The following CYTH1 variants were observed in gnomAD, a reference collection of about 807,000 sequenced individuals.
CYTH1 encodes the protein cytohesin-1.
A neutral mutation model predicts 61.8 loss-of-function variants in CYTH1; 18 were observed. The ratio of observed to expected loss-of-function variants is 0.29; its 90% confidence interval spans 0.20 to 0.43. The LOEUF (loss-of-function observed/expected upper bound fraction) is 0.43. CYTH1 is among the 20% of genes least tolerant of loss of function. The probability of loss-of-function intolerance (pLI) is 1.00; values close to 1 mark genes in which losing one functional copy is unlikely to be tolerated. For synonymous variants in CYTH1, 174 were observed against 184.3 expected (o/e 0.94, Z 0.45); for missense variants, 336 against 510.5 (o/e 0.66, Z 3.29).
intron 1 of CYTH1, among the ~76,000 whole-genome samples, chr17:78,765,772 A>G (rs2093446028): frequency 6.6e-6 from 1 of 152,210 alleles, no homozygotes; most frequent in Non-Finnish European, 1.5e-5. Flanking sequence ...CAAGAACCAG[A>G]GTCCACAGCT....
intron 1 of CYTH1, among the ~76,000 whole-genome samples, chr17:78,745,909 T>A (rs938095636): frequency 9.9e-5 from 15 of 151,138 alleles, no homozygotes; most frequent in Non-Finnish European, 1.6e-4. Context: ...GAAAAAAAAA[T>A]TTCATTACCT....
At chr17:78,754,550 G>A (rs750344811) in intron 1 of CYTH1, among the ~76,000 whole-genome samples, 15 of 151,944 alleles carry the variant, frequency 9.9e-5, no homozygotes, top group Non-Finnish European at 2.2e-4. Flanking sequence ...GTGTCACTAT[G>A]TTGCCCAGGC....
chr17:78,731,778 A>C, intron 1 of CYTH1, among the ~76,000 whole-genome samples: 1 of 152,004 alleles, frequency 6.6e-6, no homozygotes, highest in East Asian at 1.9e-4. Context: ...AAAACAAAAA[A>C]AAACAAATAA....
chr17:78,690,780 G>C (rs1161041024), intron 11 of CYTH1, among the ~76,000 whole-genome samples: 1 of 152,074 alleles, frequency 6.6e-6, no homozygotes, highest in Non-Finnish European at 1.5e-5. Context: ...GCTGAATTAA[G>C]GATTAAGGTG....
chr17:78,761,666 A>G (rs1248154911), intron 1 of CYTH1, among the ~76,000 whole-genome samples: 1 of 152,124 alleles, frequency 6.6e-6, no homozygotes, highest in East Asian at 1.9e-4. Context: ...TGAACCCGGG[A>G]GGCGGAGCTT....
intron 1 of CYTH1, among the ~76,000 whole-genome samples, chr17:78,719,776 G>T (rs1301477916): frequency 1.3e-5 from 2 of 152,174 alleles, no homozygotes; most frequent in African/African-American, 4.8e-5. Context: ...TAGCAAAGGG[G>T]TGTGACTAGA....
chr17:78,754,601 A>G (rs2093393680), intron 1 of CYTH1, among the ~76,000 whole-genome samples: 1 of 152,018 alleles, frequency 6.6e-6, no homozygotes, highest in Non-Finnish European at 1.5e-5. Context: ...TCCTACCTCA[A>G]CCTCAAAAAA....
intron 11 of CYTH1, among the ~76,000 whole-genome samples, chr17:78,683,297 C>T (rs975301458): frequency 2.0e-5 from 3 of 152,086 alleles, no homozygotes; most frequent in Non-Finnish European, 4.4e-5. Context: ...TTTGGCTGTT[C>T]GGCTGCTTTG....
At position 78,729,665 on chromosome 17, in the gene CYTH1, C is replaced by T. The variant is rs56211432; in HGVS notation, c.23-19933G>A. Reference sequence around the variant, plus strand: ...TTCCACTTAAGAGTGGATATGCTCCCCAAATTCCAAAAATTTTAAACTACC... The same window carrying T: ...TTCCACTTAAGAGTGGATATGCTCCTCAAATTCCAAAAATTTTAAACTACC... On this transcript the variant is annotated intron_variant, in intron 1 of 13. Coordinates refer to ENST00000446868, the MANE Select transcript of CYTH1 (RefSeq NM_004762.6). Among the ~76,000 whole-genome samples the T allele has an allele frequency of 4.2e-3, 640 of 152,156 alleles. 6 individuals carry two copies. Among genetic ancestry groups the T allele is most frequent in the African/African-American group, 0.014 (601 of 41,500 alleles).
intron 13 of CYTH1, among the ~76,000 whole-genome samples, chr17:78,679,330 G>A (rs1021140507): frequency 3.3e-5 from 5 of 152,172 alleles, no homozygotes; most frequent in Non-Finnish European, 7.3e-5. Flanking sequence ...GGAGGGAGAG[G>A]GCAAGGCTGT....
chr17:78,732,769 AC>A (rs1378757574), intron 1 of CYTH1, among the ~76,000 whole-genome samples: 1 of 152,146 alleles, frequency 6.6e-6, no homozygotes, highest in African/African-American at 2.4e-5. Context: ...ACTAGAGACT[AC>A]CACAATCACA....
At chr17:78,771,179 C>T (rs1159414554) in intron 1 of CYTH1, among the ~76,000 whole-genome samples, 1 of 152,180 alleles carries the variant, frequency 6.6e-6, no homozygotes, top group Non-Finnish European at 1.5e-5. Context: ...AGGTAAACTG[C>T]CTGAACCTGG....
At chr17:78,748,575 G>C (rs977207843) in intron 1 of CYTH1, among the ~76,000 whole-genome samples, 1 of 152,114 alleles carries the variant, frequency 6.6e-6, no homozygotes, top group Non-Finnish European at 1.5e-5. Context: ...CTGAAGAAGG[G>C]GGTAAGGGAG....
At chr17:78,709,553 T>C in intron 2 of CYTH1, 97 bp downstream of exon 2, 1 of 1,261,724 alleles carries the variant, frequency 7.9e-7, no homozygotes, top group Non-Finnish European at 1.1e-6. Flanking sequence ...AGGTCAAAAG[T>C]GTCTTGAGGA....
intron 1 of CYTH1, 101 bp from the exon 2 acceptor site, chr17:78,709,833 T>C: frequency 2.0e-6 from 2 of 1,001,364 alleles, no homozygotes; most frequent in South Asian, 1.5e-5. Context: ...AGAAAGAAAC[T>C]AGAAGTCAGT....
chr17:78,728,210 C>T (rs1037265709), intron 1 of CYTH1, among the ~76,000 whole-genome samples: 1 of 152,154 alleles, frequency 6.6e-6, no homozygotes, highest in Non-Finnish European at 1.5e-5. Context: ...GGTAGAAAGA[C>T]CCCAGTAATC....
intron 5 of CYTH1, 103 bp downstream of exon 5, chr17:78,702,019 A>C: frequency 9.9e-7 from 1 of 1,013,820 alleles, no homozygotes; most frequent in Non-Finnish European, 1.5e-6. Flanking sequence ...AGATGCTTTA[A>C]GGCAAAAACC....
intron 2 of CYTH1, 21 bp from the exon 3 acceptor site, chr17:78,708,282 A>AG (rs1233415352): frequency 6.2e-7 from 1 of 1,601,844 alleles, no homozygotes; most frequent in East Asian, 2.3e-5. Context: ...GACAGTCCAG[A>AG]GTCAGCAGGA....
At chr17:78,679,979 C>T (rs1255729772) in intron 13 of CYTH1, among the ~76,000 whole-genome samples, 3 of 152,170 alleles carry the variant, frequency 2.0e-5, no homozygotes, top group Admixed American at 2.0e-4. Flanking sequence ...GTGGGGAACC[C>T]AGATGGGACG....
Sources: gnomAD v4.1 joint callset for allele counts (sites outside exome capture counted in the v4.1 genomes callset) on GRCh38, gnomAD v4.1.1 for gene constraint, MANE v1.5 for transcripts, NCBI Gene and HGNC (gene_info 2026-07-23, HGNC 2026-07-21) for gene names.